The following ADAMTSL1 variants were observed in gnomAD, a reference collection of about 807,000 sequenced individuals.
ADAMTSL1 encodes the protein ADAMTS-like protein 1.
In ADAMTSL1, 126 loss-of-function variants were observed where a neutral mutation model predicts 201.8. That is an observed-to-expected ratio of 0.62 (90% confidence interval 0.54 to 0.72). The LOEUF is 0.72. Ranked by LOEUF, ADAMTSL1 falls within the 30% of genes least tolerant of loss-of-function variation. The probability of loss-of-function intolerance (pLI) is 0.00; values close to 1 mark genes in which losing one functional copy is unlikely to be tolerated. For synonymous variants in ADAMTSL1, 1,121 were observed against 903.4 expected (o/e 1.24, Z -4.32); for missense variants, 2,679 against 2,277.8 (o/e 1.18, Z -3.59).
At chr9:18,138,625 A>G (rs1826260461) in intron 1 of ADAMTSL1, among the ~76,000 whole-genome samples, 1 of 152,116 alleles carries the variant, frequency 6.6e-6, no homozygotes, top group African/African-American at 2.4e-5. Flanking sequence ...TCGTAGTGTG[A>G]CTGTTCTAAA....
chr9:18,155,785 A>T (rs1306501430), intron 1 of ADAMTSL1, among the ~76,000 whole-genome samples: 1 of 152,006 alleles, frequency 6.6e-6, no homozygotes, highest in Non-Finnish European at 1.5e-5. Flanking sequence ...ACAGATAGGG[A>T]TGGCAAATTG....
chr9:18,249,542 T>C (rs888400235), intron 2 of ADAMTSL1, among the ~76,000 whole-genome samples: 2 of 152,178 alleles, frequency 1.3e-5, no homozygotes, highest in Admixed American at 6.5e-5. Context: ...TTGCGTTAGG[T>C]TCTTTTTTTA....
intron 2 of ADAMTSL1, among the ~76,000 whole-genome samples, chr9:18,239,334 C>G (rs946345559): frequency 1.3e-5 from 2 of 152,214 alleles, no homozygotes; most frequent in East Asian, 3.8e-4. Context: ...TCAGTCCTCT[C>G]AAACCCTGCT....
At chr9:18,370,520 C>A (rs779337442) in intron 2 of ADAMTSL1, among the ~76,000 whole-genome samples, 2 of 152,100 alleles carry the variant, frequency 1.3e-5, no homozygotes, top group Non-Finnish European at 2.9e-5. Context: ...GTGCCTCATG[C>A]ACGCCAATGG....
chr9:18,833,798 C>CT lies in ADAMTSL1; in HGVS notation c.4249+3823dup, dbSNP rs539881071. On this transcript the variant is annotated intron_variant, in intron 23 of 28. Coordinates refer to ENST00000380548, the MANE Select transcript of ADAMTSL1 (RefSeq NM_001040272.6). ...TTCTGAATGGCAATGCCGAGGTTGT[C>CT]TTCTAGGGTTTTTACAGTCTTGGGT... 2.3e-3 allele frequency among the ~76,000 whole-genome samples: 354 copies of CT among 152,212 alleles called. 4 individuals are homozygous for CT. Among genetic ancestry groups the CT allele is most frequent in the African/African-American group, 7.9e-3 (329 of 41,546 alleles).
chr9:18,359,818 T>TCACCCCCCCCCCCCCC (rs1836426814), intron 2 of ADAMTSL1, among the ~76,000 whole-genome samples: 1 of 42,628 alleles, frequency 2.3e-5, no homozygotes, highest in African/African-American at 9.8e-5. Context: ...ATGCCCCACC[T>TCACCCCCCCCCCCCCC]CCCCACCCGC....
At chr9:18,173,731 A>G (rs1012466547) in intron 2 of ADAMTSL1, among the ~76,000 whole-genome samples, 1 of 152,198 alleles carries the variant, frequency 6.6e-6, no homozygotes, top group African/African-American at 2.4e-5. Context: ...TCAAATACAG[A>G]GTAAAATTCG....
chr9:18,026,905 C>A (rs376707622), intron 1 of ADAMTSL1, among the ~76,000 whole-genome samples: 1 of 152,038 alleles, frequency 6.6e-6, no homozygotes, highest in South Asian at 2.1e-4. Context: ...TTGGTCTGCT[C>A]AGGGTTTCAC....
At chr9:18,132,261 G>T (rs1013780784) in intron 1 of ADAMTSL1, among the ~76,000 whole-genome samples, 1 of 152,066 alleles carries the variant, frequency 6.6e-6, no homozygotes, top group Non-Finnish European at 1.5e-5. Context: ...CATCCTGTCA[G>T]CCACCCCATA....
chr9:18,223,070 G>A lies in ADAMTSL1; in HGVS notation c.207+59089G>A, dbSNP rs1337011193. Among the ~76,000 whole-genome samples, 13 of 152,010 alleles carry A rather than the reference G, an allele frequency of 8.6e-5. No individual in the cohort carries two copies. In the South Asian group the frequency reaches 1.7e-3, roughly 19 times the overall value. On this transcript the variant is annotated intron_variant, in intron 2 of 29. Coordinates refer to the ADAMTSL1 transcript ENST00000680146. ...ATTCTTCCTCATTCATTTGGGGAGG[G>A]AGATTTCTAAATTTAAGGCTTGGTG...
chr9:17,927,253 G>A (rs998295735), intron 1 of ADAMTSL1, among the ~76,000 whole-genome samples: 3 of 151,844 alleles, frequency 2.0e-5, no homozygotes, highest in African/African-American at 7.3e-5. Context: ...TCCTTTTTGG[G>A]GCTAAATAAT....
intron 14 of ADAMTSL1, among the ~76,000 whole-genome samples, chr9:18,709,557 G>A (rs1832430313): frequency 6.6e-6 from 1 of 152,166 alleles, no homozygotes; most frequent in African/African-American, 2.4e-5. Flanking sequence ...TCTGTAGTTG[G>A]TGGCTGTGTT....
intron 7 of ADAMTSL1, among the ~76,000 whole-genome samples, chr9:18,649,881 C>T (rs1428690166): frequency 6.6e-6 from 1 of 152,168 alleles, no homozygotes; most frequent in Non-Finnish European, 1.5e-5. Context: ...GTTCTCAGAT[C>T]TCCAGCTGCG....
At chr9:18,620,413 C>T (rs931791992) in intron 4 of ADAMTSL1, among the ~76,000 whole-genome samples, 1 of 152,010 alleles carries the variant, frequency 6.6e-6, no homozygotes, top group African/African-American at 2.4e-5. Flanking sequence ...AGTGGCTGGC[C>T]CATAGCAGGT....
intron 23 of ADAMTSL1, among the ~76,000 whole-genome samples, chr9:18,837,274 A>G (rs1174273140): frequency 6.6e-6 from 1 of 152,242 alleles, no homozygotes; most frequent in African/African-American, 2.4e-5. Context: ...TTAGTTTTGT[A>G]TATGATATAA....
At chr9:18,382,376 T>C (rs1455168997) in intron 2 of ADAMTSL1, among the ~76,000 whole-genome samples, 5 of 152,148 alleles carry the variant, frequency 3.3e-5, no homozygotes. Context: ...CTCATTTAGA[T>C]TTGCTTGGAA....
chr9:18,188,496 T>A (rs1241112703), intron 2 of ADAMTSL1, among the ~76,000 whole-genome samples: 2 of 152,158 alleles, frequency 1.3e-5, no homozygotes, highest in South Asian at 4.1e-4. Flanking sequence ...CTCTAGAAGA[T>A]GAATTTACTT....
At chr9:18,828,660 T>TTTATATATATATATATATATA (rs10685537) in intron 22 of ADAMTSL1, among the ~76,000 whole-genome samples, 20 of 28,466 alleles carry the variant, frequency 7.0e-4, no homozygotes, top group Middle Eastern at 0.029. Context: ...GAAAGTATAT[T>TTTATATATATATATATATATA]TATATATATA....
chr9:18,286,891 A>G (rs187198205), intron 2 of ADAMTSL1, among the ~76,000 whole-genome samples: 329 of 152,340 alleles, frequency 2.2e-3, no homozygotes, highest in Non-Finnish European at 3.4e-3. Context: ...AACAAAGAGA[A>G]TATTCCTTTC....
Sources: gnomAD v4.1 joint callset for allele counts (sites outside exome capture counted in the v4.1 genomes callset) on GRCh38, gnomAD v4.1.1 for gene constraint, MANE v1.5 for transcripts, NCBI Gene and HGNC (gene_info 2026-07-23, HGNC 2026-07-21) for gene names.